Variants in SYNE4 observed in about 807,000 individuals in gnomAD.
SYNE4 encodes the protein nesprin-4.
SYNE4 carries 41 observed loss-of-function variants against 46.9 expected under a neutral mutation model. The observed-to-expected ratio is 0.87, with a 90% confidence interval of 0.68 to 1.13. The LOEUF (loss-of-function observed/expected upper bound fraction) is 1.13. Among genes scored for constraint, SYNE4 ranks in the 50% most tolerant of loss-of-function variants. SYNE4 has a pLI of 0.00. For synonymous variants in SYNE4, 221 were observed against 219.5 expected (o/e 1.01, Z -0.06); for missense variants, 492 against 514.8 (o/e 0.96, Z 0.43).
Position 36,007,261 on chromosome 19 carries a change from A to C in SYNE4, c.287T>G (p.Ile96Ser). 12 of 1,599,066 alleles carry C rather than the reference A, an allele frequency of 7.5e-6. No individual in the cohort carries two copies. The highest frequency in any genetic ancestry group is 1.0e-5 in the Non-Finnish European group (12 of 1,173,028). The change falls in exon 3 of 8, where the codon ATT becomes AGT. Residue 96 changes from isoleucine to serine, a missense_variant. Transcript: ENST00000324444. ...AGCCTCTAGTACCTCCAGGCCAGAA[A>C]TGGGGTGCTGGGGAACACAGGAGCC... The part of the protein sequence containing the change: ...PAGGKHCEHP[I>S]SGLEVLEAEQ...
At chr19:36,007,457 T>C (rs1256656433) in intron 2 of SYNE4, 189 bp from the exon 3 acceptor site, 3 of 985,278 alleles carry the variant, frequency 3.0e-6, no homozygotes, top group Non-Finnish European at 3.6e-6. Flanking sequence ...AGGACAGATA[T>C]CTAGTTCAAG....
Position 36,008,509 on chromosome 19 carries a change from A to G in SYNE4, c.128+45T>C, listed in dbSNP as rs772750921. Reference sequence around the variant, plus strand: ...CTACCCTCACATGGCCCCTGCCACCACGCCTACCCTTTTGGGAACAAGCTT... The same window carrying G: ...CTACCCTCACATGGCCCCTGCCACCGCGCCTACCCTTTTGGGAACAAGCTT... On this transcript the variant is annotated intron_variant, in intron 1 of 7. Coordinates refer to ENST00000324444, the MANE Select transcript of SYNE4 (RefSeq NM_001039876.3). 3 of 1,611,820 alleles carry G rather than the reference A, an allele frequency of 1.9e-6. 1 individual carries two copies. In the South Asian group the frequency reaches 3.3e-5, roughly 18 times the overall value.
rs563951164 is a variant in SYNE4, at chr19:36,003,427, G to A, written c.1125C>T (p.Pro375=). 362 of 1,613,738 alleles carry A rather than the reference G, an allele frequency of 2.2e-4. 3 individuals are homozygous for A. In the South Asian group the frequency reaches 3.8e-3, roughly 17 times the overall value. The change falls in exon 8 of 8, where the codon CCC becomes CCT. Residue 375 remains proline (P), a synonymous_variant. Coordinates refer to ENST00000324444, the MANE Select transcript of SYNE4 (RefSeq NM_001039876.3). ...LLLVGAMFLL[P]ASGGPCCSHA... ...GAGAGCAGCAGGGGCCTCCTGACGCGGGCAGGAGAAACATGGCACCCACCA... is the reference window on the plus strand; with the variant it reads ...GAGAGCAGCAGGGGCCTCCTGACGCAGGCAGGAGAAACATGGCACCCACCA...
In SYNE4 at chr19:36,007,658, C is replaced by T. The variant is rs7249321; in HGVS notation, c.280-390G>A. On this transcript the variant is annotated intron_variant, in intron 2 of 7. Coordinates refer to ENST00000324444, the MANE Select transcript of SYNE4 (RefSeq NM_001039876.3). Reference sequence around the variant, plus strand: ...TTGGGAGGCCGAGGCCCGAGGATCACTTGAGCCCAGGAGTTCAAGACCAGC... The same window carrying T: ...TTGGGAGGCCGAGGCCCGAGGATCATTTGAGCCCAGGAGTTCAAGACCAGC... 1.9e-3 allele frequency: 1,827 copies of T among 956,494 alleles called. 27 individuals carry two copies. In the African/African-American group the frequency reaches 0.03, roughly 16 times the overall value. 59.3% of individuals were successfully genotyped at this position (956,494 alleles called of 1,614,324 possible).
chr19:36,008,006 C>T (rs1968433994), intron 2 of SYNE4, among the ~76,000 whole-genome samples: 1 of 151,336 alleles, frequency 6.6e-6, no homozygotes, highest in Non-Finnish European at 1.5e-5. Context: ...GCCTAGGTGA[C>T]AGAGAGACTC....
intron 2 of SYNE4, among the ~76,000 whole-genome samples, chr19:36,007,855 C>T (rs984755203): frequency 1.3e-5 from 2 of 151,874 alleles, no homozygotes; most frequent in Non-Finnish European, 2.9e-5. Flanking sequence ...GAAAACCCAT[C>T]TCTACTAAAA....
At chr19:36,003,881 C>G (rs1307156067) in intron 6 of SYNE4, 2 of 203,162 alleles carry the variant, frequency 9.8e-6, no homozygotes, top group South Asian at 1.7e-4. Context: ...ATGCCCAGCT[C>G]ATTTTTGTAT....
chr19:36,007,915 C>A (rs1328573158), intron 2 of SYNE4, among the ~76,000 whole-genome samples: 1 of 151,804 alleles, frequency 6.6e-6, no homozygotes, highest in African/African-American at 2.4e-5. Context: ...ATCCCAGCTA[C>A]TCGGGTGGCT....
chr19:36,006,870 C>T lies in SYNE4; in HGVS notation c.498G>A (p.Gln166=), dbSNP rs946481665. 3.2e-6 allele frequency: 5 copies of T among 1,573,936 alleles called. No individual in the cohort carries two copies. The highest frequency in any genetic ancestry group is 4.3e-6 in the Non-Finnish European group (5 of 1,160,726). The change falls in exon 4 of 8, where the codon CAG becomes CAA. Residue 166 remains glutamine (Q), a synonymous_variant. Transcript: ENST00000324444. ...ALLAFGEGLA[Q]RSEPRAWAAL... is the part of the protein sequence containing the mutation. The stretch of plus-strand genomic sequence containing the variant: ...CTGCCCAGGCCCTGGGCTCACTCCG[C>T]TGTGCCAGCCCCTCACCAAACGCTA...
chr19:36,005,346 A>T lies in SYNE4; in HGVS notation c.959T>A (p.Leu320His). 6.2e-7 allele frequency: 1 copy of T among 1,613,760 alleles called. No individual in the cohort carries two copies. Among genetic ancestry groups the T allele is most frequent in the Non-Finnish European group, 8.5e-7 (1 of 1,179,962 alleles). The change falls in exon 6 of 8, where the codon CTC becomes CAC. Residue 320 changes from leucine (L) to histidine (H), a missense_variant. By Grantham distance (99) the Leu-to-His change is moderately conservative. Transcript: ENST00000324444. Reference sequence around the variant, plus strand: ...GAACTGGCTCACCTGAGGCTTCCGGAGCAGGGAGTGTCTTTGGTGACGTGC... The same window carrying T: ...GAACTGGCTCACCTGAGGCTTCCGGTGCAGGGAGTGTCTTTGGTGACGTGC... ...RLARHQRHSL[L>H]RKPQDKKRQA...
chr19:36,006,488 T>G lies in SYNE4; in HGVS notation c.802A>C (p.Thr268Pro). 6.2e-7 allele frequency: 1 copy of G among 1,611,996 alleles called. No homozygotes were observed. The highest frequency in any genetic ancestry group is 8.5e-7 in the Non-Finnish European group (1 of 1,179,144). ...CACAGCTCACAGGGCACTCCTAGTG[T>G]CCGGGCTGTCTTTTGTCCCAAGGGC... ...LGPLGQKTAR[T>P]LGVPCELCGQ... is the part of the protein sequence containing the mutation. The change falls in exon 5 of 8, where the codon ACA (threonine) becomes CCA (proline). Residue 268 changes from threonine (T) to proline (P), a missense_variant. By Grantham distance (38) the Thr-to-Pro change is conservative (BLOSUM62 -1). Transcript: ENST00000324444.
Position 36,006,538 on chromosome 19 carries a change from G to T in SYNE4, c.752C>A (p.Pro251Gln). ...LPTSTELEWD[P>Q]AGDIGGLGPL... ...CCCAAGGCCCCCAATGTCCCCCGCC[G>T]GATCCCACTCCAACTCTGTGGAAGT... The change falls in exon 5 of 8, where the codon CCG becomes CAG. Residue 251 changes from proline to glutamine, a missense_variant. By Grantham distance (76) the Pro-to-Gln change is moderately conservative. Coordinates refer to ENST00000324444, the MANE Select transcript of SYNE4 (RefSeq NM_001039876.3). 1 of 1,606,924 alleles carries T rather than the reference G, an allele frequency of 6.2e-7. No homozygotes were observed. The highest frequency in any genetic ancestry group is 8.5e-7 in the Non-Finnish European group (1 of 1,176,546).
At position 36,003,319 on chromosome 19, in the gene SYNE4, G is replaced by T; in HGVS notation, c.*18C>A. ...GTATCTTCACACATCCTTTGACAGT[G>T]ACCATTTATTACACACATCAGACTG... is the stretch of plus-strand genomic sequence containing the variant. On this transcript the variant is annotated 3_prime_UTR_variant, in exon 8 of 8. Coordinates refer to ENST00000324444, the MANE Select transcript of SYNE4 (RefSeq NM_001039876.3). The T allele has an allele frequency of 6.2e-7, 1 of 1,613,664 alleles. No homozygotes were observed. The highest frequency in any genetic ancestry group is 8.5e-7 in the Non-Finnish European group (1 of 1,179,846).
rs1278480855 is a variant in SYNE4, at chr19:36,006,858, G to A, written c.510C>T (p.Pro170=). 9.5e-6 allele frequency: 15 copies of A among 1,584,748 alleles called. No homozygotes were observed. Among genetic ancestry groups the A allele is most frequent in the Non-Finnish European group, 9.4e-6 (11 of 1,166,832 alleles). The change falls in exon 4 of 8, where the codon CCC becomes CCT. Residue 170 remains proline, a synonymous_variant. Transcript: ENST00000324444. ...FGEGLAQRSE[P]RAWAALEQIL... ...TCTGCTCCAGGGCTGCCCAGGCCCT[G>A]GGCTCACTCCGCTGTGCCAGCCCCT...
Position 36,008,744 on chromosome 19 carries a change from A to C in SYNE4, c.-63T>G. ...GCCAGTAAGACCTCTTCCCTAGACAAGGGTGTCCCAGAGCTCCTCCGCTGG... is the reference window on the plus strand; with the variant it reads ...GCCAGTAAGACCTCTTCCCTAGACACGGGTGTCCCAGAGCTCCTCCGCTGG... On this transcript the variant is annotated 5_prime_UTR_variant, in exon 1 of 8. Transcript: ENST00000324444. 1 of 1,521,322 alleles carries C rather than the reference A, an allele frequency of 6.6e-7. No homozygotes were observed. Among genetic ancestry groups the C allele is most frequent in the Non-Finnish European group, 8.8e-7 (1 of 1,134,418 alleles). 94.2% of individuals were successfully genotyped at this position (1,521,322 alleles called of 1,614,324 possible). A position where few individuals can be genotyped will look rare whatever the true frequency, so the allele number is the denominator to read the frequency against.
Position 36,003,418 on chromosome 19 carries a change from T to G in SYNE4, c.1134A>C (p.Gly378=). 1 of 1,613,786 alleles carries G rather than the reference T, an allele frequency of 6.2e-7. No homozygotes were observed. Among genetic ancestry groups the G allele is most frequent in the Non-Finnish European group, 8.5e-7 (1 of 1,179,900 alleles). The change falls in exon 8 of 8, where the codon GGA becomes GGC. Residue 378 remains glycine, a synonymous_variant. Coordinates refer to ENST00000324444, the MANE Select transcript of SYNE4 (RefSeq NM_001039876.3). ...VGAMFLLPAS[G]GPCCSHARIP... ...TTCGGGCATGAGAGCAGCAGGGGCC[T>G]CCTGACGCGGGCAGGAGAAACATGG...
intron 6 of SYNE4, among the ~76,000 whole-genome samples, chr19:36,004,078 G>T (rs996622265): frequency 2.6e-5 from 4 of 151,940 alleles, no homozygotes; most frequent in African/African-American, 9.7e-5. Flanking sequence ...TCACAATCAC[G>T]ACTCATGGCA....
chr19:36,005,437 C>T lies in SYNE4; in HGVS notation c.868G>A (p.Glu290Lys), dbSNP rs1181282778. 1 of 1,613,874 alleles carries T rather than the reference C, an allele frequency of 6.2e-7. No individual in the cohort carries two copies. The highest frequency in any genetic ancestry group is 1.7e-5 in the Admixed American group (1 of 59,978). The change falls in exon 6 of 8, where the codon GAA becomes AAA. Residue 290 changes from glutamate (E) to lysine (K), a missense_variant and splice_region_variant. Transcript: ENST00000324444. ...GPQGRGQGLE[E>K]ADTSHSRQDM... is the part of the protein sequence containing the mutation. ...TGTCGGGAGTGAGAGGTGTCTGCTT[C>T]CTGGAGAACCAGCAACAAAGAAAAA...
At position 36,005,367 on chromosome 19, in the gene SYNE4, C is replaced by A. The variant is rs777241908; in HGVS notation, c.938G>T (p.Arg313Leu). The A allele has an allele frequency of 1.2e-6, 2 of 1,614,046 alleles. No individual in the cohort carries two copies. Among genetic ancestry groups the A allele is most frequent in the Middle Eastern group, 1.6e-4 (1 of 6,062 alleles). ...CCGGAGCAGGGAGTGTCTTTGGTGA[C>A]GTGCTAAGCGTTTCTGGTGGCCGAG... Reference protein sequence around the residue: ...SGLGHQKRLARHQRHSLLRKP... With the variant: ...SGLGHQKRLALHQRHSLLRKP... Residue 313 changes from arginine to leucine, a missense_variant, in exon 6 of 8, where the codon CGT (arginine) becomes CTT (leucine). Coordinates refer to ENST00000324444, the MANE Select transcript of SYNE4 (RefSeq NM_001039876.3).
Sources: gnomAD v4.1 joint callset for allele counts (sites outside exome capture counted in the v4.1 genomes callset) on GRCh38, gnomAD v4.1.1 for gene constraint, MANE v1.5 for transcripts, NCBI Gene and HGNC (gene_info 2026-07-23, HGNC 2026-07-21) for gene names.